NAPEPLD: variants seen among roughly 807,000 people sequenced by gnomAD.
The protein encoded by NAPEPLD is N-acyl phosphatidylethanolamine phospholipase D.
NAPEPLD carries 23 observed loss-of-function variants against 38.1 expected under a neutral mutation model. The ratio of observed to expected loss-of-function variants is 0.60; its 90% confidence interval spans 0.43 to 0.86. NAPEPLD has a LOEUF of 0.86. Ranked by LOEUF, NAPEPLD falls within the 40% of genes least tolerant of loss-of-function variation. The probability of loss-of-function intolerance (pLI) is 0.00; values close to 1 mark genes in which losing one functional copy is unlikely to be tolerated. For synonymous variants in NAPEPLD, 147 were observed against 162.0 expected (o/e 0.91, Z 0.71); for missense variants, 411 against 476.8 (o/e 0.86, Z 1.28).
chr7:103,130,036 ATTTC>A (rs1443202996), intron 1 of NAPEPLD, among the ~76,000 whole-genome samples: 14 of 152,160 alleles, frequency 9.2e-5, no homozygotes, highest in African/African-American at 2.9e-4. Flanking sequence ...CATGAATTTC[ATTTC>A]TTTCTTATTC....
upstream of NAPEPLD, among the ~76,000 whole-genome samples, chr7:103,149,715 TC>T (rs992565907): frequency 6.6e-6 from 1 of 151,902 alleles, no homozygotes; most frequent in Non-Finnish European, 1.5e-5. Flanking sequence ...TCAAATTGGT[TC>T]CCCCCGCTGT....
chr7:103,115,142 T>C lies in NAPEPLD; in HGVS notation c.974A>G (p.Glu325Gly). 2 of 1,613,996 alleles carry C rather than the reference T, an allele frequency of 1.2e-6. No homozygotes were observed. Among genetic ancestry groups the C allele is most frequent in the East Asian group, 2.2e-5 (1 of 44,862 alleles). Residue 325 changes from glutamate (E) to glycine (G), a missense_variant, in exon 4 of 5, where the codon GAA becomes GGA. Physicochemically the swap from Glu to Gly is moderately conservative, Grantham distance 98. Transcript: ENST00000465647. Reference protein sequence around the residue: ...WFMKYQHVDPEEAVRIHTDVQ... With the variant: ...WFMKYQHVDPGEAVRIHTDVQ... ...ATCAGTGTGAATCCTTACAGCTTCT[T>C]CTGGGTCTACATGCTGGTATTTCAT...
intron 1 of NAPEPLD, among the ~76,000 whole-genome samples, chr7:103,136,315 T>C (rs1348704425): frequency 6.7e-6 from 1 of 150,360 alleles, no homozygotes; most frequent in Non-Finnish European, 1.5e-5. Context: ...CTCACACCTG[T>C]AATCCTAGCA....
intron 1 of NAPEPLD, among the ~76,000 whole-genome samples, chr7:103,139,816 G>A (rs1810845970): frequency 6.6e-6 from 1 of 152,160 alleles, no homozygotes; most frequent in Non-Finnish European, 1.5e-5. Context: ...ACCCTGTTCA[G>A]CCATCTCCTG....
chr7:103,119,685 C>T lies in NAPEPLD; in HGVS notation c.833G>A (p.Arg278Gln), dbSNP rs756709995. 2 of 1,614,144 alleles carry T rather than the reference C, an allele frequency of 1.2e-6. No individual in the cohort carries two copies. The highest frequency in any genetic ancestry group is 1.1e-5 in the South Asian group (1 of 91,084). The change falls in exon 3 of 5, where the codon CGA becomes CAA. Residue 278 changes from arginine (R) to glutamine (Q), a missense_variant. Transcript: ENST00000465647. The part of the protein sequence containing the change: ...GSWSVLGPWN[R>Q]FFFAGDTGYC... ...ACCAGTATCTCCTGCGAAAAAAAATCGATTCCAAGGCCCCAAGACAGACCA... is the reference window on the plus strand; with the variant it reads ...ACCAGTATCTCCTGCGAAAAAAAATTGATTCCAAGGCCCCAAGACAGACCA...
At position 103,103,428 on chromosome 7, in the gene NAPEPLD, A is replaced by G; in HGVS notation, c.*1T>C. ...ATTAAAAGTGCCTGTGCTCACATTT[A>G]TTAAAAGTTTTCATCATCATTATTT... On this transcript the variant is annotated 3_prime_UTR_variant, in exon 5 of 5. Transcript: ENST00000465647. The G allele has an allele frequency of 6.4e-7, 1 of 1,555,706 alleles. No homozygotes were observed. Among genetic ancestry groups the G allele is most frequent in the East Asian group, 2.4e-5 (1 of 42,118 alleles).
chr7:103,132,024 G>A (rs1197204257), intron 1 of NAPEPLD, among the ~76,000 whole-genome samples: 1 of 152,198 alleles, frequency 6.6e-6, no homozygotes. Flanking sequence ...TGAGGCAGGA[G>A]AATTGCTTGA....
At chr7:103,140,434 C>G (rs966141858) in intron 1 of NAPEPLD, among the ~76,000 whole-genome samples, 3 of 146,038 alleles carry the variant, frequency 2.1e-5, no homozygotes, top group South Asian at 2.2e-4. Context: ...GCTCAGTCGC[C>G]CAGGCTGGAG....
intron 2 of NAPEPLD, among the ~76,000 whole-genome samples, chr7:103,125,235 CAT>C (rs1201038433): frequency 2.6e-5 from 4 of 152,128 alleles, no homozygotes; most frequent in Non-Finnish European, 4.4e-5. Flanking sequence ...AATAAAGATA[CAT>C]GTGTTACCAA....
chr7:103,103,638 A>AC, intron 4 of NAPEPLD, 84 bp from the exon 5 acceptor site: 1 of 1,390,328 alleles, frequency 7.2e-7, no homozygotes, highest in Non-Finnish European at 9.7e-7. Context: ...AACTAAAATA[A>AC]CCAACAGATG....
At chr7:103,115,264 T>G (rs1395040913) in intron 3 of NAPEPLD, 90 bp from the exon 4 acceptor site, 6 of 887,856 alleles carry the variant, frequency 6.8e-6, no homozygotes, top group Non-Finnish European at 1.1e-5. Flanking sequence ...TTTAAGATTC[T>G]GCGCAGGACT....
chr7:103,113,201 C>T (rs1563349135), intron 4 of NAPEPLD, among the ~76,000 whole-genome samples: 1 of 152,186 alleles, frequency 6.6e-6, no homozygotes. Flanking sequence ...AAGAAATTGT[C>T]ACTGAAAACC....
intron 2 of NAPEPLD, among the ~76,000 whole-genome samples, chr7:103,120,695 ATTTTTCTTTTTTTTT>A (rs1474987105): frequency 3.0e-5 from 1 of 33,006 alleles, no homozygotes; most frequent in Non-Finnish European, 6.9e-5. Flanking sequence ...TGAATCTGAT[ATTTTTCTTTTTTTTT>A]TTTTTTTTTT....
At chr7:103,129,947 T>G (rs182700367) in intron 1 of NAPEPLD, among the ~76,000 whole-genome samples, 1 of 152,346 alleles carries the variant, frequency 6.6e-6, no homozygotes, top group East Asian at 1.9e-4. Context: ...CTGCTACTGC[T>G]TAACTCAAGG....
In NAPEPLD at chr7:103,146,293, C is replaced by T. The variant is rs1812545803; in HGVS notation, c.-17+2518G>A. On this transcript the variant is annotated intron_variant, in intron 1 of 4. Transcript: ENST00000465647. ...ACACGAGGCACAGGTTGCAGTCAGCCGAGATTGCCCCACCGCACGCTAGCT... is the reference window on the plus strand; with the variant it reads ...ACACGAGGCACAGGTTGCAGTCAGCTGAGATTGCCCCACCGCACGCTAGCT... Among the ~76,000 whole-genome samples the T allele has an allele frequency of 1.3e-5, 2 of 151,020 alleles. 1 individual carries two copies. The highest frequency in any genetic ancestry group is 6.4e-3 in the Middle Eastern group (2 of 314).
chr7:103,106,659 C>A (rs573370965), intron 4 of NAPEPLD, among the ~76,000 whole-genome samples: 1 of 151,884 alleles, frequency 6.6e-6, no homozygotes, highest in African/African-American at 2.4e-5. Flanking sequence ...GCAGAGCCCA[C>A]TGCAGCTCAG....
chr7:103,128,767 T>G lies in NAPEPLD; in HGVS notation c.10A>C (p.Asn4His). ...GTCATCAGAGACTGGTTGCTTTCAT[T>G]TTCATCCATGTCCTTTGGTGAAGAA... is the stretch of plus-strand genomic sequence containing the variant. MDENESNQSLMTSS... is the reference protein window; with the variant it reads MDEHESNQSLMTSS... The change falls in exon 2 of 5, where the codon AAT (asparagine) becomes CAT (histidine). Residue 4 changes from asparagine to histidine, a missense_variant. Asn to His is a moderately conservative substitution (Grantham distance 68). Transcript: ENST00000465647. 1 of 1,611,598 alleles carries G rather than the reference T, an allele frequency of 6.2e-7. No homozygotes were observed. The highest frequency in any genetic ancestry group is 1.3e-5 in the African/African-American group (1 of 74,770).
chr7:103,107,109 CAG>C (rs975169274), intron 4 of NAPEPLD, among the ~76,000 whole-genome samples: 30 of 152,172 alleles, frequency 2.0e-4, no homozygotes, highest in African/African-American at 6.5e-4. Context: ...CCCAGGCAAA[CAG>C]GGTCTGGAGT....
intron 1 of NAPEPLD, among the ~76,000 whole-genome samples, chr7:103,129,080 A>G (rs1808415236): frequency 6.6e-6 from 1 of 152,140 alleles, no homozygotes; most frequent in African/African-American, 2.4e-5. Context: ...AGCCTGACCA[A>G]CATGGAGAAA....
Sources: gnomAD v4.1 joint callset for allele counts (sites outside exome capture counted in the v4.1 genomes callset) on GRCh38, gnomAD v4.1.1 for gene constraint, MANE v1.5 for transcripts, NCBI Gene and HGNC (gene_info 2026-07-23, HGNC 2026-07-21) for gene names.